The following MBD5 variants were observed in gnomAD, a reference collection of about 807,000 sequenced individuals.
MBD5 encodes methyl-CpG binding domain protein 5.
MBD5 carries 13 observed loss-of-function variants against 117.3 expected under a neutral mutation model. The ratio of observed to expected loss-of-function variants is 0.11; its 90% CI spans 0.07 to 0.18. The LOEUF is 0.18. Among genes scored for constraint, MBD5 ranks in the 10% least tolerant of loss-of-function variants. The pLI is 1.00. For missense variants in MBD5, 1,879 were observed against 2,093.8 expected, an observed-to-expected ratio of 0.90 and a Z score of 2.00; for synonymous variants, 727 against 766.4, an observed-to-expected ratio of 0.95 and a Z score of 0.85.
At chr2:148,162,381 C>G (rs930340672) in intron 1 of MBD5, among the ~76,000 whole-genome samples, 1 of 152,194 alleles carries the variant, frequency 6.6e-6, no homozygotes, top group Admixed American at 6.5e-5. Flanking sequence ...GGAACTCCAA[C>G]TAAGACAACT....
At chr2:148,079,831 T>G (rs1294019208) in intron 1 of MBD5, among the ~76,000 whole-genome samples, 1 of 151,350 alleles carries the variant, frequency 6.6e-6, no homozygotes, top group African/African-American at 2.4e-5. Context: ...CACTCCAGCC[T>G]AGGCGACAGA....
At position 148,232,772 on chromosome 2, in the gene MBD5, G is replaced by A. The variant is rs150474243; in HGVS notation, c.-830-473G>A. Among the ~76,000 whole-genome samples, 24 of 151,732 alleles carry A rather than the reference G, an allele frequency of 1.6e-4. 1 individual carries two copies. The highest frequency in any genetic ancestry group is 1.4e-3 in the East Asian group (7 of 5,160). ...ATAATATCTTTTAGGTATCTGTTGC[G>A]TGAATGGTATGCTATGAATTGATAA... On this transcript the variant is annotated intron_variant, in intron 2 of 13. Transcript: ENST00000642680.
At chr2:148,362,451 G>A (rs1385990577) in intron 4 of MBD5, among the ~76,000 whole-genome samples, 1 of 152,178 alleles carries the variant, frequency 6.6e-6, no homozygotes, top group African/African-American at 2.4e-5. Flanking sequence ...TCCTCTGTTG[G>A]CAGGGCATCT....
At chr2:148,402,943 A>T in intron 4 of MBD5, among the ~76,000 whole-genome samples, 1 of 150,546 alleles carries the variant, frequency 6.6e-6, no homozygotes, top group East Asian at 2.0e-4. Flanking sequence ...TATTCATTTT[A>T]TTTTCAGTTT....
intron 4 of MBD5, among the ~76,000 whole-genome samples, chr2:148,410,305 A>G (rs1705212126): frequency 6.6e-6 from 1 of 152,132 alleles, no homozygotes; most frequent in Admixed American, 6.6e-5. Flanking sequence ...ATTAAGCATC[A>G]TTTATTATGC....
intron 2 of MBD5, among the ~76,000 whole-genome samples, chr2:148,223,417 T>C (rs1008481161): frequency 2.0e-5 from 3 of 152,156 alleles, no homozygotes; most frequent in African/African-American, 7.2e-5. Context: ...GGAGACTTTA[T>C]TACAGCTTCA....
chr2:148,085,580 C>T (rs1161327462), intron 1 of MBD5, among the ~76,000 whole-genome samples: 2 of 151,546 alleles, frequency 1.3e-5, no homozygotes, highest in East Asian at 1.9e-4. Context: ...AAAAATTAGC[C>T]GGGCGTAGTG....
chr2:148,285,449 T>C lies in MBD5; in HGVS notation c.-680+52054T>C, dbSNP rs537124410. Among the ~76,000 whole-genome samples, 4 of 152,262 alleles carry C rather than the reference T, an allele frequency of 2.6e-5. No individual in the cohort carries two copies. The South Asian group carries it at 8.3e-4, about 32-fold the overall frequency. ...AAAAGAAAGAATGATATTAATAGAA[T>C]TGACATGAGAAAATTGGACTAAACT... On this transcript the variant is annotated intron_variant, in intron 3 of 13. Transcript: ENST00000642680.
chr2:148,325,750 T>C (rs1270394878), intron 3 of MBD5, among the ~76,000 whole-genome samples: 16 of 152,232 alleles, frequency 1.1e-4, no homozygotes, highest in South Asian at 6.2e-4. Context: ...GTCTTGCTAG[T>C]GGTCTATCAA....
At chr2:148,294,598 G>T (rs1701606058) in intron 3 of MBD5, among the ~76,000 whole-genome samples, 1 of 148,510 alleles carries the variant, frequency 6.7e-6, no homozygotes, top group Non-Finnish European at 1.5e-5. Flanking sequence ...CACCTCCCGG[G>T]TTCAAGGGAT....
At chr2:148,448,193 G>A (rs1706624828) in intron 4 of MBD5, among the ~76,000 whole-genome samples, 1 of 152,088 alleles carries the variant, frequency 6.6e-6, no homozygotes, top group Non-Finnish European at 1.5e-5. Flanking sequence ...CATAAACACA[G>A]TAAAAGATCA....
chr2:148,058,422 A>G (rs1015001748), intron 1 of MBD5, among the ~76,000 whole-genome samples: 1 of 151,916 alleles, frequency 6.6e-6, no homozygotes, highest in Non-Finnish European at 1.5e-5. Context: ...GTCTTTTTTC[A>G]GTATTTGCGA....
intron 4 of MBD5, among the ~76,000 whole-genome samples, chr2:148,383,818 A>G (rs1307752655): frequency 2.0e-5 from 3 of 152,236 alleles, no homozygotes; most frequent in Non-Finnish European, 4.4e-5. Context: ...ATGAAAGTCA[A>G]TAAACATAAT....
chr2:148,314,376 G>GTTT (rs67471940), intron 3 of MBD5, among the ~76,000 whole-genome samples: 29,566 of 106,476 alleles, frequency 0.28, 5,190 homozygotes, highest in Non-Finnish European at 0.35. Flanking sequence ...CAGTGTTATG[G>GTTT]TTTTTTTTTT....
intron 2 of MBD5, among the ~76,000 whole-genome samples, chr2:148,225,782 T>TATG (rs947834273): frequency 6.6e-6 from 1 of 152,204 alleles, no homozygotes; most frequent in African/African-American, 2.4e-5. Context: ...CATGCCATTC[T>TATG]CTCTTGGCCT....
intron 1 of MBD5, among the ~76,000 whole-genome samples, chr2:148,138,805 A>C (rs1000808823): frequency 2.0e-5 from 3 of 152,242 alleles, no homozygotes; most frequent in Admixed American, 6.5e-5. Flanking sequence ...GAACTCCACA[A>C]GATAAATCCT....
At chr2:148,343,884 AGG>A (rs1703016129) in intron 4 of MBD5, among the ~76,000 whole-genome samples, 1 of 152,088 alleles carries the variant, frequency 6.6e-6, no homozygotes, top group African/African-American at 2.4e-5. Flanking sequence ...TTCTTTCCTA[AGG>A]CCCATGTCCA....
chr2:148,302,552 A>C (rs1050022169), intron 3 of MBD5, among the ~76,000 whole-genome samples: 2 of 152,182 alleles, frequency 1.3e-5, no homozygotes, highest in East Asian at 3.8e-4. Context: ...AAGTCCATTT[A>C]ATTACATATA....
intron 4 of MBD5, among the ~76,000 whole-genome samples, chr2:148,372,174 A>G (rs1195199736): frequency 3.9e-5 from 6 of 152,178 alleles, no homozygotes; most frequent in Admixed American, 2.0e-4. Context: ...ACAGAAAAAT[A>G]TAAATGAATT....
Sources: allele counts gnomAD v4.1 joint callset (sites outside exome capture counted in the v4.1 genomes callset), GRCh38; gene constraint gnomAD v4.1.1; transcripts MANE v1.5; gene names NCBI Gene and HGNC (gene_info 2026-07-23, HGNC 2026-07-21).